The following KIF24 variants were observed in gnomAD, a reference collection of about 807,000 sequenced individuals.
KIF24 encodes kinesin-like protein KIF24.
Under a neutral mutation model 118.9 loss-of-function variants are expected in KIF24, and 81 were observed. The observed-to-expected ratio is 0.68, with a 90% confidence interval of 0.57 to 0.82. The LOEUF (loss-of-function observed/expected upper bound fraction) is 0.82. Ranked by LOEUF, KIF24 falls within the 40% of genes least tolerant of loss-of-function variation. The pLI is 0.00. For missense variants in KIF24, 1,560 were observed against 1,661.6 expected, an observed-to-expected ratio of 0.94 and a Z score of 1.06; for synonymous variants, 599 against 610.0, an observed-to-expected ratio of 0.98 and a Z score of 0.27.
intron 6 of KIF24, among the ~76,000 whole-genome samples, chr9:34,275,934 T>C (rs182481438): frequency 4.1e-4 from 62 of 152,368 alleles, no homozygotes; most frequent in Admixed American, 1.2e-3. Context: ...TTTGTTCCTC[T>C]GAGTTTGTTC....
intron 7 of KIF24, 65 bp from the exon 8 acceptor site, chr9:34,269,427 T>C: frequency 1.2e-6 from 1 of 805,882 alleles, no homozygotes; most frequent in Non-Finnish European, 1.9e-6. Flanking sequence ...TTATTTTTAT[T>C]ATTATTTTTT....
chr9:34,328,961 G>A (rs1391580466), intron 1 of KIF24, among the ~76,000 whole-genome samples, 145 bp downstream of exon 1: 1 of 152,224 alleles, frequency 6.6e-6, no homozygotes, highest in African/African-American at 2.4e-5. Context: ...TTTAGGAAGA[G>A]CCAAGAGGGG....
At position 34,257,543 on chromosome 9, in the gene KIF24, T is replaced by A; in HGVS notation, c.2064A>T (p.Ser688=). ...CACGCACTAGGCCTTCTCCTGGGCCTGAGGCCCTGCTTTCCCACCCAAGGA... is the reference window on the plus strand; with the variant it reads ...CACGCACTAGGCCTTCTCCTGGGCCAGAGGCCCTGCTTTCCCACCCAAGGA... ...KTVLGWESRA[S]GPGEGLVRGK... The change falls in exon 11 of 13, where the codon TCA becomes TCT. Residue 688 remains serine, a synonymous_variant. Coordinates refer to ENST00000402558, the MANE Select transcript of KIF24 (RefSeq NM_194313.4). 6.2e-7 allele frequency: 1 copy of A among 1,614,084 alleles called. No homozygotes were observed. The highest frequency in any genetic ancestry group is 8.5e-7 in the Non-Finnish European group (1 of 1,179,886).
In KIF24 at chr9:34,252,809, C is replaced by T. The variant is rs2073110133; in HGVS notation, c.*1571G>A. 6.6e-6 allele frequency: 1 copy of T among 152,100 alleles called. No homozygotes were observed. Among genetic ancestry groups the T allele is most frequent in the African/African-American group, 2.4e-5 (1 of 41,406 alleles). 9.4% of individuals were successfully genotyped at this position (152,100 alleles called of 1,614,324 possible). ...TAGGCTGGGCCTTCAGGGGGATCACCCAGTAAAAGAGGAAGAAGCCCTTTT... is the reference window on the plus strand; with the variant it reads ...TAGGCTGGGCCTTCAGGGGGATCACTCAGTAAAAGAGGAAGAAGCCCTTTT... On this transcript the variant is annotated 3_prime_UTR_variant, in exon 13 of 13. Coordinates refer to ENST00000402558, the MANE Select transcript of KIF24 (RefSeq NM_194313.4).
intron 10 of KIF24, among the ~76,000 whole-genome samples, 158 bp from the exon 11 acceptor site, chr9:34,258,139 T>G (rs1464931672): frequency 1.3e-5 from 2 of 152,194 alleles, no homozygotes; most frequent in Non-Finnish European, 2.9e-5. Flanking sequence ...GAACATTCTG[T>G]TTCAGCATGA....
rs774077954 is a variant in KIF24 at position 34,290,349 on chromosome 9, C to T, written c.952G>A (p.Gly318Arg). The T allele has an allele frequency of 6.2e-7, 1 of 1,612,780 alleles. No individual in the cohort carries two copies. The highest frequency in any genetic ancestry group is 1.1e-5 in the South Asian group (1 of 91,026). Residue 318 changes from glycine (G) to arginine (R), a missense_variant, in exon 5 of 13, where the codon GGA (glycine) becomes AGA (arginine). Gly to Arg is a moderately radical substitution (Grantham distance 125). Coordinates refer to ENST00000402558, the MANE Select transcript of KIF24 (RefSeq NM_194313.4). ...TCFAYGQTGA[G>R]KTYTMIGTHE... The stretch of plus-strand genomic sequence containing the variant: ...GTTCCTATCATGGTGTAGGTCTTTC[C>T]AGCACCTGTCTGTCCATAAGCAAAG...
At chr9:34,289,957 T>C (rs560404842) in intron 5 of KIF24, among the ~76,000 whole-genome samples, 22 of 152,312 alleles carry the variant, frequency 1.4e-4, no homozygotes, top group South Asian at 6.2e-4. Flanking sequence ...CATTAGAATA[T>C]TGAACACTTT....
In KIF24 at chr9:34,254,252, G is replaced by A; in HGVS notation, c.*128C>T. On this transcript the variant is annotated 3_prime_UTR_variant, in exon 13 of 13. Coordinates refer to ENST00000402558, the MANE Select transcript of KIF24 (RefSeq NM_194313.4). ...TGAAGCCACGTGGGGCTGGGGTGAC[G>A]CTAGCATAGGCAGGACCAGCGTGTG... The A allele has an allele frequency of 1.8e-6, 2 of 1,084,790 alleles. No homozygotes were observed. The highest frequency in any genetic ancestry group is 1.8e-5 in the South Asian group (1 of 54,742). The allele number at this position is 1,084,790 out of a possible 1,614,324, so 67.2% of individuals were successfully genotyped here.
chr9:34,322,667 G>A (rs1381168846), intron 1 of KIF24, among the ~76,000 whole-genome samples: 2 of 152,096 alleles, frequency 1.3e-5, no homozygotes, highest in Non-Finnish European at 2.9e-5. Flanking sequence ...CAGCCTGGAC[G>A]ACATGGTGAA....
chr9:34,303,637 C>A (rs902278610), intron 3 of KIF24, among the ~76,000 whole-genome samples: 5 of 152,098 alleles, frequency 3.3e-5, no homozygotes, highest in African/African-American at 1.2e-4. Flanking sequence ...ATTGCTTGAG[C>A]TCAGGAGTTC....
intron 2 of KIF24, among the ~76,000 whole-genome samples, chr9:34,307,386 G>C (rs1203348448): frequency 2.7e-5 from 4 of 150,748 alleles, no homozygotes; most frequent in Non-Finnish European, 5.9e-5. Context: ...TTTTTTACTG[G>C]GATCTGAATT....
In KIF24 at chr9:34,256,351, C is replaced by T. The variant is rs1834840209; in HGVS notation, c.3256G>A (p.Gly1086Arg). 8 of 1,613,626 alleles carry T rather than the reference C, an allele frequency of 5.0e-6. No individual in the cohort carries two copies. The South Asian group carries it at 6.6e-5, about 13-fold the overall frequency. Residue 1086 changes from glycine (G) to arginine (R), a missense_variant, in exon 11 of 13, where the codon GGG becomes AGG. By Grantham distance (125) the Gly-to-Arg change is moderately radical. This residue lies in a region of KIF24 where 591 missense variants were observed against 655.6 expected (regional missense o/e 0.90). Transcript: ENST00000402558. ...ACTGTGTGGCTCACAACTGGGCCCC[C>T]TGTGCTCTCTGCCACTAGACTGTGC... ...ATHSLVAEST[G>R]GPVVSHTVPS... is the part of the protein sequence containing the mutation.
At chr9:34,285,915 C>T (rs1202028077) in intron 6 of KIF24, among the ~76,000 whole-genome samples, 1 of 128,870 alleles carries the variant, frequency 7.8e-6, no homozygotes, top group Non-Finnish European at 1.6e-5. Flanking sequence ...GGCAACAGAG[C>T]AAGACCCTGT....
Position 34,276,118 on chromosome 9 carries a change from T to C in KIF24, c.1216-4188A>G, listed in dbSNP as rs531801212. Among the ~76,000 whole-genome samples the C allele has an allele frequency of 6.6e-5, 10 of 152,078 alleles. 1 individual carries two copies. The highest frequency in any genetic ancestry group is 2.4e-4 in the African/African-American group (10 of 41,512). On this transcript the variant is annotated intron_variant, in intron 6 of 12. Transcript: ENST00000402558. ...TTATTTTGCAGTGAATTAAGAATAA[T>C]GAGGCTGGGCACGGTGGCTCACGCC...
upstream of KIF24, chr9:34,329,503 A>T (rs1837810689): frequency 6.6e-6 from 1 of 152,204 alleles, no homozygotes; most frequent in African/African-American, 2.4e-5. Context: ...CTTCTGCCGA[A>T]TTCTATTGAT....
intron 1 of KIF24, among the ~76,000 whole-genome samples, chr9:34,317,297 G>C (rs1837360580): frequency 6.6e-6 from 1 of 151,990 alleles, no homozygotes; most frequent in Non-Finnish European, 1.5e-5. Context: ...GGCTGAGGTA[G>C]GAGAATCACT....
intron 3 of KIF24, among the ~76,000 whole-genome samples, chr9:34,299,804 ATG>A (rs750264704): frequency 0.15 from 18,694 of 123,074 alleles, 1,494 homozygotes; most frequent in Non-Finnish European, 0.22. Context: ...GGCTACCAAG[ATG>A]TGTGTGTGTG....
chr9:34,327,112 A>T (rs1017170919), intron 1 of KIF24, among the ~76,000 whole-genome samples: 3 of 152,202 alleles, frequency 2.0e-5, no homozygotes, highest in Non-Finnish European at 4.4e-5. Flanking sequence ...TCAACACGAT[A>T]TGAACATCAA....
At chr9:34,283,092 C>A (rs1163453916) in intron 6 of KIF24, among the ~76,000 whole-genome samples, 5 of 141,818 alleles carry the variant, frequency 3.5e-5, no homozygotes, top group African/African-American at 1.0e-4. Flanking sequence ...TATGGCCGGA[C>A]ATGGTGGCTC....
Sources: allele counts gnomAD v4.1 joint callset (sites outside exome capture counted in the v4.1 genomes callset), GRCh38; gene constraint gnomAD v4.1.1; regional missense constraint gnomAD v4.1.1; transcripts MANE v1.5; gene names NCBI Gene and HGNC (gene_info 2026-07-23, HGNC 2026-07-21).